The following SFTPD variants were observed in gnomAD, a reference collection of about 807,000 sequenced individuals.
SFTPD encodes the protein pulmonary surfactant-associated protein D.
SFTPD carries 18 observed loss-of-function variants against 34.6 expected under a neutral mutation model. The observed-to-expected ratio is 0.52, with a 90% confidence interval of 0.36 to 0.77. SFTPD has a LOEUF of 0.77. Among genes scored for constraint, SFTPD ranks in the 30% least tolerant of loss-of-function variants. SFTPD has a pLI of 0.00. For synonymous variants in SFTPD, 155 were observed against 180.9 expected, an observed-to-expected ratio of 0.86 and a Z score of 1.15; for missense variants, 433 against 468.9, an observed-to-expected ratio of 0.92 and a Z score of 0.71.
intron 5 of SFTPD, 50 bp downstream of exon 5, chr10:79,941,904 A>AT (rs1447792561): frequency 8.4e-7 from 1 of 1,194,640 alleles, no homozygotes. Context: ...AGCTCCAAGC[A>AT]GGCACAGGAG....
At chr10:79,954,043 T>A (rs1187617410), upstream of SFTPD, among the ~76,000 whole-genome samples, 1 of 152,020 alleles carries the variant, frequency 6.6e-6, no homozygotes, top group Non-Finnish European at 1.5e-5. Flanking sequence ...TTGTTATACT[T>A]CTAATTTTGT....
chr10:79,976,391 T>C (rs1842864446), intron 1 of SFTPD, among the ~76,000 whole-genome samples: 1 of 152,108 alleles, frequency 6.6e-6, no homozygotes, highest in African/African-American at 2.4e-5. Flanking sequence ...AAAACACATC[T>C]GCATGCTCCC....
At chr10:79,968,027 G>A (rs12769108) in intron 1 of SFTPD, among the ~76,000 whole-genome samples, 21,289 of 115,506 alleles carry the variant, frequency 0.18, 1,581 homozygotes, top group South Asian at 0.37. Context: ...TTATTGCTCA[G>A]AAAAAAAAAA....
chr10:79,963,149 C>T (rs527815762), intron 1 of SFTPD, among the ~76,000 whole-genome samples: 15 of 152,152 alleles, frequency 9.9e-5, no homozygotes, highest in African/African-American at 3.1e-4. Context: ...TTGACACAAG[C>T]CTTGGCAACA....
At chr10:79,971,804 T>C (rs1487069948) in intron 1 of SFTPD, 1 of 152,242 alleles carries the variant, frequency 6.6e-6, no homozygotes, top group East Asian at 1.9e-4. Context: ...TTGAATATAA[T>C]GAGCCTTGGA....
intron 1 of SFTPD, chr10:79,982,272 G>A (rs1842895701): frequency 2.0e-5 from 19 of 971,856 alleles, no homozygotes; most frequent in Middle Eastern, 7.8e-4. Context: ...GGGGGCGCTC[G>A]GGCCACCGCG....
intron 1 of SFTPD, among the ~76,000 whole-genome samples, chr10:79,947,407 A>C (rs2132502946): frequency 6.6e-6 from 1 of 152,286 alleles, no homozygotes; most frequent in South Asian, 2.1e-4. Context: ...AAGTATGTGG[A>C]GTCTGGGCAC....
At chr10:79,940,287 C>G (rs1234103529) in intron 7 of SFTPD, among the ~76,000 whole-genome samples, 1 of 152,222 alleles carries the variant, frequency 6.6e-6, no homozygotes, top group Non-Finnish European at 1.5e-5. Flanking sequence ...ACAAAGTAGG[C>G]AGGAGAGAGG....
intron 1 of SFTPD, among the ~76,000 whole-genome samples, chr10:79,959,916 A>T (rs1255395162): frequency 6.6e-6 from 1 of 152,176 alleles, no homozygotes; most frequent in Non-Finnish European, 1.5e-5. Context: ...GGCAAACCGA[A>T]TCCAGCAGCA....
At chr10:79,955,998 G>A (rs2146191) in intron 1 of SFTPD, among the ~76,000 whole-genome samples, 22,325 of 152,098 alleles carry the variant, frequency 0.15, 2,072 homozygotes, top group East Asian at 0.41. Context: ...AAATGTTGGC[G>A]GGAAGTAAAG....
At chr10:79,946,956 C>T (rs973500613) in intron 1 of SFTPD, among the ~76,000 whole-genome samples, 17 of 152,198 alleles carry the variant, frequency 1.1e-4, no homozygotes, top group African/African-American at 3.9e-4. Flanking sequence ...CTAAGTTTGG[C>T]ACAGTGGCTA....
intron 1 of SFTPD, among the ~76,000 whole-genome samples, chr10:79,956,932 G>A (rs1032524309): frequency 6.6e-6 from 1 of 152,052 alleles, no homozygotes; most frequent in African/African-American, 2.4e-5. Flanking sequence ...TCACACGGCC[G>A]GGTACTCCTC....
At chr10:79,942,692 G>T in intron 3 of SFTPD, 71 bp downstream of exon 3, 1 of 1,121,616 alleles carries the variant, frequency 8.9e-7, no homozygotes, top group East Asian at 2.3e-5. Context: ...GGCTCTGTGC[G>T]TGCCCACTGG....
At chr10:79,940,967 C>T (rs1842605319) in intron 6 of SFTPD, among the ~76,000 whole-genome samples, 179 bp from the exon 7 acceptor site, 1 of 141,758 alleles carries the variant, frequency 7.1e-6, no homozygotes, top group Non-Finnish European at 1.5e-5. Flanking sequence ...TATGGTTCTG[C>T]TATGAACAAA....
intron 1 of SFTPD, among the ~76,000 whole-genome samples, chr10:79,959,680 G>T: frequency 6.6e-6 from 1 of 152,154 alleles, no homozygotes; most frequent in Non-Finnish European, 1.5e-5. Context: ...AAAAGTCCAG[G>T]ACCAGATGGA....
At chr10:79,964,273 C>A (rs1042842328) in intron 1 of SFTPD, among the ~76,000 whole-genome samples, 1 of 152,180 alleles carries the variant, frequency 6.6e-6, no homozygotes, top group Non-Finnish European at 1.5e-5. Flanking sequence ...ATCATTAATG[C>A]CTCTTTAATA....
upstream of SFTPD, among the ~76,000 whole-genome samples, chr10:79,949,473 C>T (rs1564531221): frequency 6.6e-6 from 1 of 152,192 alleles, no homozygotes; most frequent in Non-Finnish European, 1.5e-5. Context: ...ATCTTAAGAG[C>T]CAAGACCTGC....
At chr10:79,979,270 C>T (rs1440463033) in intron 1 of SFTPD, among the ~76,000 whole-genome samples, 1 of 152,146 alleles carries the variant, frequency 6.6e-6, no homozygotes, top group African/African-American at 2.4e-5. Flanking sequence ...ATGGCCAGAG[C>T]CCTCCAATGA....
rs1213368882 is a variant in SFTPD, at chr10:79,937,973, T to G, written c.1007A>C (p.Asn336Thr). ...YPTGESLVYS[N>T]WAPGEPNDDG... is the part of the protein sequence containing the mutation. Reference sequence around the variant, plus strand: ...ATCGTTGGGCTCCCCTGGGGCCCAGTTGGAATAGACCAGGGACTCTCCTGT... The same window carrying G: ...ATCGTTGGGCTCCCCTGGGGCCCAGGTGGAATAGACCAGGGACTCTCCTGT... The change falls in exon 8 of 8, where the codon AAC becomes ACC. Residue 336 changes from asparagine to threonine, a missense_variant. By Grantham distance (65) the Asn-to-Thr change is moderately conservative. Transcript: ENST00000372292. The G allele has an allele frequency of 6.2e-7, 1 of 1,613,702 alleles. No individual in the cohort carries two copies. Among genetic ancestry groups the G allele is most frequent in the Admixed American group, 1.7e-5 (1 of 59,996 alleles).
Sources: gnomAD v4.1 joint callset for allele counts (sites outside exome capture counted in the v4.1 genomes callset) on GRCh38, gnomAD v4.1.1 for gene constraint, MANE v1.5 for transcripts, NCBI Gene and HGNC (gene_info 2026-07-23, HGNC 2026-07-21) for gene names.